The following CPXM2 variants were observed in gnomAD, a reference collection of about 807,000 sequenced individuals.
CPXM2 encodes inactive carboxypeptidase-like protein X2.
CPXM2 carries 66 observed loss-of-function variants against 86.1 expected under a neutral mutation model. That is an observed-to-expected ratio of 0.77 (90% CI 0.63 to 0.94). The LOEUF (loss-of-function observed/expected upper bound fraction) is 0.94, where lower values mean the gene tolerates loss of function less well. CPXM2 is among the 40% of genes least tolerant of loss of function. The pLI, the probability that CPXM2 is intolerant of heterozygous loss-of-function variation, is 0.00. For synonymous variants in CPXM2, 388 were observed against 400.2 expected (o/e 0.97, Z 0.36); for missense variants, 948 against 1,026.3 (o/e 0.92, Z 1.04).
intron 4 of CPXM2, among the ~76,000 whole-genome samples, chr10:123,811,139 T>G (rs200772533): frequency 4.7e-5 from 4 of 85,140 alleles, no homozygotes; most frequent in East Asian, 1.6e-3. Flanking sequence ...TCATTTTTTT[T>G]TTTCTTTTTT....
intron 7 of CPXM2, among the ~76,000 whole-genome samples, chr10:123,776,110 T>C (rs949467153): frequency 1.3e-5 from 2 of 152,276 alleles, no homozygotes; most frequent in Non-Finnish European, 1.5e-5. Context: ...GACTGAAAAC[T>C]GTGGCTAAAA....
intron 2 of CPXM2, among the ~76,000 whole-genome samples, chr10:123,907,407 TG>T (rs1945451882): frequency 6.6e-6 from 1 of 152,214 alleles, no homozygotes; most frequent in South Asian, 2.1e-4. Flanking sequence ...TGCATTTACT[TG>T]GGGAGGACAA....
At chr10:123,825,295 G>C (rs1386767399) in intron 4 of CPXM2, among the ~76,000 whole-genome samples, 2 of 152,134 alleles carry the variant, frequency 1.3e-5, no homozygotes, top group Admixed American at 1.3e-4. Context: ...AAGTCATCTT[G>C]GGTCATGCAT....
chr10:123,935,896 CCAA>C (rs986393695), intron 2 of CPXM2, among the ~76,000 whole-genome samples: 10 of 13,956 alleles, frequency 7.2e-4, no homozygotes, highest in East Asian at 0.022. Context: ...ATCACCACCA[CCAA>C]CACCAGCATC....
upstream of CPXM2, among the ~76,000 whole-genome samples, chr10:123,941,917 A>G (rs1945781143): frequency 6.6e-6 from 1 of 152,248 alleles, no homozygotes; most frequent in Non-Finnish European, 1.5e-5. Flanking sequence ...TGCACATGCA[A>G]GTGTGCTTAG....
chr10:123,806,898 T>C (rs771994422), intron 4 of CPXM2, among the ~76,000 whole-genome samples: 10 of 152,010 alleles, frequency 6.6e-5, no homozygotes. Flanking sequence ...CAATTCAAGA[T>C]GAGATTTGGG....
intron 4 of CPXM2, among the ~76,000 whole-genome samples, chr10:123,831,407 T>C (rs1253776177): frequency 6.6e-6 from 1 of 152,220 alleles, no homozygotes; most frequent in Non-Finnish European, 1.5e-5. Flanking sequence ...CCAGGACCCA[T>C]GACCCAGTAT....
chr10:123,887,573 G>A (rs1382908431), intron 1 of CPXM2, among the ~76,000 whole-genome samples: 5 of 152,126 alleles, frequency 3.3e-5, no homozygotes. Context: ...GGCAATGTCT[G>A]GAGACATTTT....
chr10:123,887,464 A>T (rs947326026), intron 1 of CPXM2, among the ~76,000 whole-genome samples: 12 of 152,222 alleles, frequency 7.9e-5, no homozygotes, highest in Non-Finnish European at 1.5e-5. Flanking sequence ...GAACTGGTCA[A>T]ATCTGAGTAA....
chr10:123,922,883 C>T lies in CPXM2; in HGVS notation n.174+16594G>A, dbSNP rs72631133. Among the ~76,000 whole-genome samples the T allele has an allele frequency of 4.6e-3, 694 of 152,308 alleles. 30 individuals are homozygous for T. The East Asian group carries it at 0.093, about 20-fold the overall frequency. ...AAACAGGATATTCACACGAGGCCAACGTATCACCCACAGATAACTGAATAA... is the reference window on the plus strand; with the variant it reads ...AAACAGGATATTCACACGAGGCCAATGTATCACCCACAGATAACTGAATAA... On this transcript the variant is annotated intron_variant and non_coding_transcript_variant, in intron 2 of 19. Transcript: ENST00000368854.
At chr10:123,862,817 C>A in intron 2 of CPXM2, 94 bp from the exon 3 acceptor site, 2 of 994,570 alleles carry the variant, frequency 2.0e-6, no homozygotes, top group Non-Finnish European at 3.1e-6. Context: ...TTTCCATTTT[C>A]CCCTGAACTC....
chr10:123,867,592 G>T (rs1944816350), intron 2 of CPXM2, among the ~76,000 whole-genome samples: 1 of 135,090 alleles, frequency 7.4e-6, no homozygotes. Flanking sequence ...GCAGTGCAAT[G>T]GTGCGATTTT....
chr10:123,821,813 G>A (rs1018975401), intron 4 of CPXM2, among the ~76,000 whole-genome samples: 2 of 152,200 alleles, frequency 1.3e-5, no homozygotes, highest in Non-Finnish European at 2.9e-5. Context: ...CTGTCCCATT[G>A]TGCCAATTGT....
At chr10:123,937,512 C>CAT (rs1480609968) in intron 2 of CPXM2, among the ~76,000 whole-genome samples, 4 of 141,656 alleles carry the variant, frequency 2.8e-5, no homozygotes, top group African/African-American at 8.2e-5. Context: ...CACACACACA[C>CAT]ACACACACTA....
chr10:123,777,176 G>A (rs942995276), intron 7 of CPXM2: 1 of 152,216 alleles, frequency 6.6e-6, no homozygotes, highest in Admixed American at 6.5e-5. Context: ...GATGTCCCCG[G>A]CCATCCTTAG....
intron 2 of CPXM2, among the ~76,000 whole-genome samples, chr10:123,928,571 C>T (rs1369039909): frequency 6.6e-6 from 1 of 152,184 alleles, no homozygotes; most frequent in Non-Finnish European, 1.5e-5. Context: ...ACTTCTGAGA[C>T]AAGGTCAGAA....
At position 123,783,692 on chromosome 10, in the gene CPXM2, G is replaced by C. The variant is rs141199204; in HGVS notation, c.890-3437C>G. Among the ~76,000 whole-genome samples, 144 of 152,266 alleles carry C rather than the reference G, an allele frequency of 9.5e-4. 1 individual carries two copies. Among genetic ancestry groups the C allele is most frequent in the Middle Eastern group, 3.4e-3 (1 of 294 alleles). Reference sequence around the variant, plus strand: ...AAAGCCAAAGTCAGACCTGCCCCTGGAATTTTCGCTTATGTGAGCCCTAAT... The same window carrying C: ...AAAGCCAAAGTCAGACCTGCCCCTGCAATTTTCGCTTATGTGAGCCCTAAT... On this transcript the variant is annotated intron_variant, in intron 6 of 13. Coordinates refer to ENST00000241305, the MANE Select transcript of CPXM2 (RefSeq NM_198148.3).
intron 3 of CPXM2, among the ~76,000 whole-genome samples, chr10:123,861,868 C>T (rs1250534242): frequency 6.6e-6 from 1 of 152,218 alleles, no homozygotes; most frequent in Admixed American, 6.5e-5. Context: ...GTCACAGCAG[C>T]AATAGGAAAC....
chr10:123,751,472 C>CGTG (rs1846074876), intron 13 of CPXM2: 2 of 980,712 alleles, frequency 2.0e-6, no homozygotes, highest in Non-Finnish European at 2.4e-6. Context: ...TAATTTCTCC[C>CGTG]GCCACCCTGA....
Sources: allele counts gnomAD v4.1 joint callset (sites outside exome capture counted in the v4.1 genomes callset), GRCh38; gene constraint gnomAD v4.1.1; transcripts MANE v1.5; gene names NCBI Gene and HGNC (gene_info 2026-07-23, HGNC 2026-07-21).